Variants in CFAP69 observed in about 807,000 individuals in gnomAD.
CFAP69 encodes the protein cilia- and flagella-associated protein 69.
Under a neutral mutation model 123.0 loss-of-function variants are expected in CFAP69, and 92 were observed. That is an observed-to-expected ratio of 0.75 (90% CI 0.63 to 0.89). The LOEUF (loss-of-function observed/expected upper bound fraction) is 0.89. Among genes scored for constraint, CFAP69 ranks in the 40% least tolerant of loss-of-function variants. The probability of loss-of-function intolerance (pLI) is 0.00; values close to 1 mark genes in which losing one functional copy is unlikely to be tolerated. For missense variants in CFAP69, 1,067 were observed against 1,096.9 expected (o/e 0.97, Z 0.39); for synonymous variants, 380 against 364.3 (o/e 1.04, Z -0.49).
rs190393380 is a variant in CFAP69, at chr7:90,305,812, G to T, written c.2265+992G>T. 3.7e-4 allele frequency among the ~76,000 whole-genome samples: 56 copies of T among 151,864 alleles called. No individual in the cohort carries two copies. In the East Asian group the frequency reaches 0.011, roughly 29 times the overall value. ...AGATAGTAGGTTACTTACCTTGCTA[G>T]TTATATTTGTCAGTAAATACTTTTG... is the stretch of plus-strand genomic sequence containing the variant. On this transcript the variant is annotated intron_variant, in intron 19 of 22. Transcript: ENST00000389297.
downstream of CFAP69, among the ~76,000 whole-genome samples, chr7:90,312,221 A>AATCTACT (rs1216871169): frequency 5.9e-5 from 9 of 152,238 alleles, no homozygotes; most frequent in African/African-American, 9.6e-5. Flanking sequence ...AGATTCAGCC[A>AATCTACT]ACAAAATACT....
intron 21 of CFAP69, 142 bp downstream of exon 21, chr7:90,307,996 T>C (rs1032729706): frequency 1.6e-5 from 8 of 512,078 alleles, no homozygotes; most frequent in Non-Finnish European, 2.7e-5. Flanking sequence ...ATATGCAATT[T>C]AGAGTGATAA....
rs895963668 is a variant in CFAP69 at position 90,299,045 on chromosome 7, G to A, written c.1858-822G>A. 3.3e-5 allele frequency among the ~76,000 whole-genome samples: 5 copies of A among 152,150 alleles called. No homozygotes were observed. The East Asian group carries it at 9.6e-4, about 29-fold the overall frequency. On this transcript the variant is annotated intron_variant, in intron 16 of 22. Coordinates refer to ENST00000389297, the MANE Select transcript of CFAP69 (RefSeq NM_001039706.3). ...TAATGAGAGCTGACTATGTACCAGG[G>A]AGTCTCATATAACTCATAATAACCC...
intron 11 of CFAP69, among the ~76,000 whole-genome samples, 159 bp from the exon 12 acceptor site, chr7:90,279,518 T>G (rs1349943011): frequency 2.7e-5 from 4 of 147,290 alleles, no homozygotes; most frequent in Admixed American, 6.8e-5. Flanking sequence ...TAATTTTTGG[T>G]GTTTTTTTTT....
chr7:90,315,666 C>A (rs554193910), downstream of CFAP69, among the ~76,000 whole-genome samples: 3 of 152,002 alleles, frequency 2.0e-5, no homozygotes, highest in Non-Finnish European at 4.4e-5. Context: ...GGCTTAGTAC[C>A]GGGGTGACAA....
At chr7:90,268,982 T>C (rs1799559146) in intron 6 of CFAP69, 1 of 151,864 alleles carries the variant, frequency 6.6e-6, no homozygotes, top group Non-Finnish European at 1.5e-5. Flanking sequence ...TTAAGTTATA[T>C]GATTCTTAAT....
chr7:90,272,711 T>A (rs559340476), intron 8 of CFAP69, among the ~76,000 whole-genome samples: 292 of 152,190 alleles, frequency 1.9e-3, no homozygotes, highest in Non-Finnish European at 2.4e-3. Context: ...CTCTCTACAT[T>A]GTCTTCCATG....
chr7:90,293,043 G>A (rs190989987), intron 15 of CFAP69, among the ~76,000 whole-genome samples: 2 of 152,226 alleles, frequency 1.3e-5, no homozygotes, highest in East Asian at 1.9e-4. Context: ...GGCATACAAC[G>A]ATTTTATGTA....
At chr7:90,278,344 TA>T (rs1788909370) in intron 11 of CFAP69, among the ~76,000 whole-genome samples, 1 of 152,144 alleles carries the variant, frequency 6.6e-6, no homozygotes, top group African/African-American at 2.4e-5. Context: ...AACATTTTCT[TA>T]GTAATGCAAC....
intron 17 of CFAP69, chr7:90,300,448 T>C (rs980569642): frequency 2.4e-6 from 2 of 825,366 alleles, no homozygotes; most frequent in African/African-American, 3.7e-5. Flanking sequence ...TTTTCCTTTT[T>C]CTAAATCCAT....
rs1046720745 is a variant in CFAP69 at position 90,288,289 on chromosome 7, C to A, written c.1712C>A (p.Pro571His). Residue 571 changes from proline to histidine, a missense_variant, in exon 15 of 23, where the codon CCC (proline) becomes CAC (histidine). Pro to His is a moderately conservative substitution (Grantham distance 77). Coordinates refer to ENST00000389297, the MANE Select transcript of CFAP69 (RefSeq NM_001039706.3). ...DIVLHVMKTD[P>H]RKLQSGLGYN... ...GTTCTTCATGTGATGAAAACAGACC[C>A]CAGGAAGTTACAGAGTGGCTTAGGC... 6.2e-7 allele frequency: 1 copy of A among 1,612,112 alleles called. No individual in the cohort carries two copies. The highest frequency in any genetic ancestry group is 1.3e-5 in the African/African-American group (1 of 74,840).
At chr7:90,323,382 AAG>A in the CFAP69 span, among the ~76,000 whole-genome samples, 2 of 152,196 alleles carry the variant, frequency 1.3e-5, no homozygotes, top group Non-Finnish European at 1.5e-5. Flanking sequence ...AAAGAAGAGA[AAG>A]AGAGAAGGAA....
At chr7:90,254,237 T>C (rs1416769680) in intron 1 of CFAP69, among the ~76,000 whole-genome samples, 1 of 152,174 alleles carries the variant, frequency 6.6e-6, no homozygotes, top group African/African-American at 2.4e-5. Flanking sequence ...TTGGTTACTA[T>C]AGTTTTGCAG....
At position 90,306,981 on chromosome 7, in the gene CFAP69, G is replaced by A. The variant is rs1383863388; in HGVS notation, c.2346G>A (p.Leu782=). Residue 782 remains leucine (L), a synonymous_variant, in exon 20 of 23, where the codon TTG becomes TTA. Coordinates refer to ENST00000389297, the MANE Select transcript of CFAP69 (RefSeq NM_001039706.3). ...LRPVTTDKKA[L]EAITTASENI... The stretch of plus-strand genomic sequence containing the variant: ...CAGTCACTACAGATAAAAAAGCTTT[G>A]GAAGCTATTACAACAGCATCAGAAA... The A allele has an allele frequency of 1.9e-6, 3 of 1,605,476 alleles. No homozygotes were observed. The South Asian group carries it at 3.3e-5, about 18-fold the overall frequency.
downstream of CFAP69, among the ~76,000 whole-genome samples, chr7:90,314,485 G>A (rs745500275): frequency 6.6e-6 from 1 of 151,916 alleles, no homozygotes; most frequent in Non-Finnish European, 1.5e-5. Flanking sequence ...TTATTTGGGA[G>A]TGGTGGTGTA....
chr7:90,307,058 C>T lies in CFAP69; in HGVS notation c.2423C>T (p.Ala808Val), dbSNP rs762967645. The T allele has an allele frequency of 1.9e-6, 3 of 1,611,564 alleles. No individual in the cohort carries two copies. The Admixed American group carries it at 5.1e-5, about 27-fold the overall frequency. ...SLQSDIIESQ[A>V]CQDMQNEQKV... Reference sequence around the variant, plus strand: ...CAAAGTGATATAATTGAAAGCCAAGCATGCCAAGACATGCAAAATGAACAA... The same window carrying T: ...CAAAGTGATATAATTGAAAGCCAAGTATGCCAAGACATGCAAAATGAACAA... Residue 808 changes from alanine to valine, a missense_variant, in exon 20 of 23, where the codon GCA becomes GTA. Ala to Val is a moderately conservative substitution (Grantham distance 64, BLOSUM62 0). Transcript: ENST00000389297.
chr7:90,308,096 A>C (rs572109387), intron 21 of CFAP69, among the ~76,000 whole-genome samples: 1 of 152,182 alleles, frequency 6.6e-6, no homozygotes, highest in Non-Finnish European at 1.5e-5. Flanking sequence ...CTTGACCTAC[A>C]TAAAGAAGAA....
At chr7:90,300,636 AT>A (rs1562918799) in intron 17 of CFAP69, 3 of 285,396 alleles carry the variant, frequency 1.1e-5, no homozygotes, top group African/African-American at 4.6e-5. Context: ...GCTATATTAC[AT>A]TTTTTTCTTT....
chr7:90,321,529 T>G, the CFAP69 span, among the ~76,000 whole-genome samples: 1 of 152,202 alleles, frequency 6.6e-6, no homozygotes, highest in South Asian at 2.1e-4. Context: ...CGCTCTCTCC[T>G]TCTTACTTTG....
Sources: allele counts gnomAD v4.1 joint callset (sites outside exome capture counted in the v4.1 genomes callset), GRCh38; gene constraint gnomAD v4.1.1; transcripts MANE v1.5; gene names NCBI Gene and HGNC (gene_info 2026-07-23, HGNC 2026-07-21).